ABCC4: variants seen among roughly 807,000 people sequenced by gnomAD.
ABCC4 encodes ATP binding cassette subfamily C member 4 (PEL blood group).
ABCC4 carries 102 observed loss-of-function variants against 168.5 expected under a neutral mutation model. The ratio of observed to expected loss-of-function variants is 0.61; its 90% CI spans 0.52 to 0.71. The LOEUF (loss-of-function observed/expected upper bound fraction) is 0.71, where lower values mean the gene tolerates loss of function less well. ABCC4 is among the 30% of genes least tolerant of loss of function. The probability of loss-of-function intolerance (pLI) is 0.00; values close to 1 mark genes in which losing one functional copy is unlikely to be tolerated. For missense variants in ABCC4, 1,402 were observed against 1,605.8 expected (o/e 0.87, Z 2.17); for synonymous variants, 617 against 590.7 (o/e 1.04, Z -0.65).
intron 14 of ABCC4, among the ~76,000 whole-genome samples, chr13:95,169,504 G>A (rs2037394895): frequency 6.6e-6 from 1 of 152,082 alleles, no homozygotes. Context: ...CCTCCCTGAT[G>A]TTCCTGTAAA....
intron 4 of ABCC4, among the ~76,000 whole-genome samples, chr13:95,227,758 G>T (rs1047446634): frequency 7.9e-5 from 12 of 152,122 alleles, no homozygotes; most frequent in African/African-American, 2.7e-4. Flanking sequence ...ACCCACGCTG[G>T]AGTGCGGTGG....
chr13:95,249,602 C>T (rs2040203941), intron 1 of ABCC4, among the ~76,000 whole-genome samples: 1 of 152,212 alleles, frequency 6.6e-6, no homozygotes, highest in Non-Finnish European at 1.5e-5. Context: ...TCCTCACCTC[C>T]TCCAAAATGT....
chr13:95,196,421 C>T (rs2038416553), intron 8 of ABCC4, among the ~76,000 whole-genome samples: 1 of 152,100 alleles, frequency 6.6e-6, no homozygotes, highest in Non-Finnish European at 1.5e-5. Flanking sequence ...GCTGCCTGGA[C>T]AACTTCCCCT....
At chr13:95,196,659 AG>A (rs1472359123) in intron 8 of ABCC4, among the ~76,000 whole-genome samples, 4 of 35,594 alleles carry the variant, frequency 1.1e-4, no homozygotes, top group Non-Finnish European at 1.6e-4. Flanking sequence ...GAAGGAAGGA[AG>A]GAAGGAAGGA....
At chr13:95,219,446 T>C (rs897496029) in intron 4 of ABCC4, among the ~76,000 whole-genome samples, 11 of 152,106 alleles carry the variant, frequency 7.2e-5, no homozygotes, top group Admixed American at 5.9e-4. Flanking sequence ...GAGAAGATCA[T>C]CTTAAGGAGA....
intron 1 of ABCC4, among the ~76,000 whole-genome samples, chr13:95,255,899 T>C (rs931711874): frequency 6.6e-6 from 1 of 152,102 alleles, no homozygotes; most frequent in African/African-American, 2.4e-5. Context: ...CACCAGCTAA[T>C]CCATGCCTTT....
At chr13:95,070,223 G>A (rs1235529552) in intron 25 of ABCC4, among the ~76,000 whole-genome samples, 1 of 152,132 alleles carries the variant, frequency 6.6e-6, no homozygotes, top group Non-Finnish European at 1.5e-5. Flanking sequence ...CAGCCTGGGC[G>A]ACAGAGCAAG....
chr13:95,155,313 C>T (rs550544130), intron 19 of ABCC4, among the ~76,000 whole-genome samples: 31 of 152,120 alleles, frequency 2.0e-4, no homozygotes, highest in African/African-American at 5.3e-4. Context: ...CTCAGCCTCC[C>T]GAGCTGCTGG....
In ABCC4 at chr13:95,020,360, T is replaced by C. The variant is rs2031024192; in HGVS notation, c.*1215A>G. On this transcript the variant is annotated 3_prime_UTR_variant, in exon 31 of 31. Coordinates refer to ENST00000645237, the MANE Select transcript of ABCC4 (RefSeq NM_005845.5). ...CATGAGACTCCACTTCAAACCATAA[T>C]AGTAAAACCTTTAGTAAACTGAACT... is the stretch of plus-strand genomic sequence containing the variant. 1 of 152,372 alleles carries C rather than the reference T, an allele frequency of 6.6e-6. No homozygotes were observed. The highest frequency in any genetic ancestry group is 1.5e-5 in the Non-Finnish European group (1 of 68,030). 9.4% of individuals were successfully genotyped at this position (152,372 alleles called of 1,614,324 possible).
chr13:95,142,648 T>C (rs2036357633), intron 19 of ABCC4, among the ~76,000 whole-genome samples: 2 of 152,170 alleles, frequency 1.3e-5, no homozygotes, highest in South Asian at 4.2e-4. Context: ...GAAATAGTGA[T>C]ATCTAAGGTA....
chr13:95,298,367 T>G (rs2041589909), intron 1 of ABCC4, among the ~76,000 whole-genome samples: 2 of 152,070 alleles, frequency 1.3e-5, no homozygotes, highest in Non-Finnish European at 2.9e-5. Flanking sequence ...GTAATAATAC[T>G]CCAATGAAAG....
chr13:95,144,263 A>ATTATACTATATAGTATAAAATT (rs1262876164), intron 19 of ABCC4, among the ~76,000 whole-genome samples: 22 of 152,272 alleles, frequency 1.4e-4, no homozygotes, highest in Non-Finnish European at 2.9e-4. Context: ...AACATAAAAT[A>ATTATACTATATAGTATAAAATT]TTATACTATA....
intron 13 of ABCC4, among the ~76,000 whole-genome samples, chr13:95,177,248 A>G (rs4148495): frequency 0.15 from 22,251 of 152,200 alleles, 1,693 homozygotes; most frequent in Non-Finnish European, 0.17. Context: ...AGAAAGCCCT[A>G]TGTTGGTCCC....
In ABCC4 at chr13:95,210,885, A is replaced by C. The variant is rs1482218980; in HGVS notation, c.532-104T>G. The C allele has an allele frequency of 9.0e-6, 7 of 774,988 alleles. No homozygotes were observed. In the East Asian group the frequency reaches 1.1e-4, roughly 12 times the overall value. The allele number at this position is 774,988 out of a possible 1,614,324, so 48.0% of individuals were successfully genotyped here. On this transcript the variant is annotated intron_variant, in intron 4 of 30. Transcript: ENST00000645237. ...AAGTCTCGTGTGATGTCAAGACCAG[A>C]TCTAAGCACAAGCATCCCCACCCCC...
chr13:95,230,531 C>G (rs2039590184), intron 4 of ABCC4, among the ~76,000 whole-genome samples: 1 of 152,200 alleles, frequency 6.6e-6, no homozygotes, highest in South Asian at 2.1e-4. Flanking sequence ...AATCCCAGCA[C>G]TTTGGGAGGC....
At position 95,278,238 on chromosome 13, in the gene ABCC4, C is replaced by T. The variant is rs1458056355; in HGVS notation, c.74+23003G>A. Among the ~76,000 whole-genome samples the T allele has an allele frequency of 2.6e-5, 4 of 152,066 alleles. No individual in the cohort carries two copies. The South Asian group carries it at 6.2e-4, about 24-fold the overall frequency. On this transcript the variant is annotated intron_variant, in intron 1 of 30. Transcript: ENST00000645237. Reference sequence around the variant, plus strand: ...CTGTGCCCACAGTTTGTGCTTATGCCCCATGGCTTTAGAGGGCCCGTATAC... The same window carrying T: ...CTGTGCCCACAGTTTGTGCTTATGCTCCATGGCTTTAGAGGGCCCGTATAC...
intron 1 of ABCC4, chr13:95,269,255 A>AC (rs1427504917): frequency 2.0e-5 from 9 of 452,230 alleles, no homozygotes; most frequent in Non-Finnish European, 4.0e-5. Flanking sequence ...GATTTGCCAT[A>AC]CCTAAATCTT....
chr13:95,073,382 G>A, intron 23 of ABCC4, 78 bp from the exon 24 acceptor site: 2 of 964,948 alleles, frequency 2.1e-6, no homozygotes, highest in South Asian at 1.6e-5. Flanking sequence ...CTTACCAAGA[G>A]GAACCCTTCA....
intron 3 of ABCC4, among the ~76,000 whole-genome samples, chr13:95,243,144 G>A (rs1298651875): frequency 6.7e-6 from 1 of 148,492 alleles, no homozygotes; most frequent in African/African-American, 2.6e-5. Context: ...TATATGAGAG[G>A]TGCCTGCCGC....
Sources: allele counts gnomAD v4.1 joint callset (sites outside exome capture counted in the v4.1 genomes callset), GRCh38; gene constraint gnomAD v4.1.1; transcripts MANE v1.5; gene names NCBI Gene and HGNC (gene_info 2026-07-23, HGNC 2026-07-21).